The following BPI variants were observed in gnomAD, a reference collection of about 807,000 sequenced individuals.
BPI encodes the protein bactericidal permeability increasing protein, also known as bactericidal permeability-increasing protein.
BPI carries 48 observed loss-of-function variants against 57.6 expected under a neutral mutation model. The ratio of observed to expected loss-of-function variants is 0.83; its 90% CI spans 0.66 to 1.06. The LOEUF (loss-of-function observed/expected upper bound fraction) is 1.06. BPI is among the 50% of genes least tolerant of loss of function. The pLI is 0.00. For synonymous variants in BPI, 237 were observed against 238.2 expected (o/e 0.99, Z 0.05); for missense variants, 651 against 609.7 (o/e 1.07, Z -0.71).
intron 5 of BPI, chr20:38,317,911 C>T: frequency 1.0e-6 from 1 of 985,286 alleles, no homozygotes; most frequent in Non-Finnish European, 1.2e-6. Flanking sequence ...GTGGCAAAGG[C>T]AGGTAGGGAA....
At chr20:38,332,843 G>A (rs989120308) in intron 12 of BPI, among the ~76,000 whole-genome samples, 3 of 152,066 alleles carry the variant, frequency 2.0e-5, no homozygotes, top group Admixed American at 6.5e-5. Flanking sequence ...GTAAGTAGTC[G>A]CCCATGCTGT....
rs186510614 is a variant in BPI, at chr20:38,322,765, C to T, written c.757-1105C>T. ...CTGGGATTACAGGCTCCCGCCACCA[C>T]GCCTGGCTAATTTTTTGTATTTTTA... On this transcript the variant is annotated intron_variant, in intron 7 of 14. Coordinates refer to ENST00000642449, the MANE Select transcript of BPI (RefSeq NM_001725.3). Among the ~76,000 whole-genome samples the T allele has an allele frequency of 7.6e-3, 1,154 of 152,286 alleles. 10 individuals are homozygous for T. Among genetic ancestry groups the T allele is most frequent in the Non-Finnish European group, 0.012 (835 of 68,030 alleles).
chr20:38,317,738 G>A, intron 5 of BPI: 2 of 1,143,410 alleles, frequency 1.7e-6, no homozygotes, highest in East Asian at 2.6e-5. Context: ...AATGGAAAAT[G>A]TAATTTGCCA....
At chr20:38,311,661 CCAGCCATGCA>C (rs1455378478) in intron 4 of BPI, among the ~76,000 whole-genome samples, 1 of 152,002 alleles carries the variant, frequency 6.6e-6, no homozygotes, top group East Asian at 1.9e-4. Context: ...GGACGGGGGC[CCAGCCATGCA>C]GGGATTCAGG....
intron 11 of BPI, among the ~76,000 whole-genome samples, chr20:38,330,485 G>C (rs2076737020): frequency 6.6e-6 from 1 of 152,142 alleles, no homozygotes; most frequent in African/African-American, 2.4e-5. Flanking sequence ...ATGTCATAAA[G>C]GCCTTAAAGG....
At chr20:38,318,038 T>C in intron 5 of BPI, 1 of 985,034 alleles carries the variant, frequency 1.0e-6, no homozygotes, top group Non-Finnish European at 1.2e-6. Context: ...CTACCTCGTA[T>C]TTGTTTATTA....
In BPI at chr20:38,304,210, G is replaced by A. The variant is rs2076585891; in HGVS notation, c.-14G>A. ...GCCTTGAGGTTTTGGCAGCTCTGGA[G>A]GATGAGAGAGAACATGGCCAGGGGC... On this transcript the variant is annotated 5_prime_UTR_variant, in exon 1 of 15. Coordinates refer to ENST00000642449, the MANE Select transcript of BPI (RefSeq NM_001725.3). 4 of 1,614,046 alleles carry A rather than the reference G, an allele frequency of 2.5e-6. No individual in the cohort carries two copies. The South Asian group carries it at 4.4e-5, about 18-fold the overall frequency.
In BPI at chr20:38,335,583, C is replaced by A. The variant is rs767204345; in HGVS notation, c.1337-15C>A. ...TTTCTTTTCTCCTGGTCCTCACCAT[C>A]GGTCTCTGTCACAGAGAAACTACAG... On this transcript the variant is annotated splice_polypyrimidine_tract_variant and intron_variant, in intron 13 of 14. Coordinates refer to ENST00000642449, the MANE Select transcript of BPI (RefSeq NM_001725.3). 3.7e-6 allele frequency: 6 copies of A among 1,609,666 alleles called. No individual in the cohort carries two copies. The Admixed American group carries it at 5.0e-5, about 13-fold the overall frequency.
At chr20:38,313,752 T>C (rs2076633409) in intron 5 of BPI, among the ~76,000 whole-genome samples, 1 of 151,294 alleles carries the variant, frequency 6.6e-6, no homozygotes, top group African/African-American at 2.4e-5. Flanking sequence ...ATGATAATGG[T>C]GATGGTGATG....
Position 38,335,611 on chromosome 20 carries a change from A to G in BPI, c.1350A>G (p.Lys450=). Residue 450 remains lysine (K), a synonymous_variant, in exon 14 of 15, where the codon AAA becomes AAG. Transcript: ENST00000642449. ...VLPRVNEKLQ[K]GFPLPTPARV... is the part of the protein sequence containing the mutation. ...TCTCTGTCACAGAGAAACTACAGAAAGGCTTCCCTCTCCCGACGCCGGCCA... is the reference window on the plus strand; with the variant it reads ...TCTCTGTCACAGAGAAACTACAGAAGGGCTTCCCTCTCCCGACGCCGGCCA... The G allele has an allele frequency of 1.2e-6, 2 of 1,614,064 alleles. No homozygotes were observed. Among genetic ancestry groups the G allele is most frequent in the Non-Finnish European group, 1.7e-6 (2 of 1,179,938 alleles).
At chr20:38,307,786 C>A in intron 2 of BPI, 105 bp downstream of exon 2, 2 of 956,338 alleles carry the variant, frequency 2.1e-6, no homozygotes, top group East Asian at 2.8e-5. Context: ...CACAGAGTTT[C>A]ATATCCCAAA....
chr20:38,327,467 C>T, intron 10 of BPI, 121 bp from the exon 11 acceptor site: 1 of 1,043,072 alleles, frequency 9.6e-7, no homozygotes, highest in Non-Finnish European at 1.4e-6. Flanking sequence ...GCTCTGTGGG[C>T]CTGACCCCAC....
chr20:38,335,463 A>C, intron 13 of BPI, 135 bp from the exon 14 acceptor site: 1 of 757,716 alleles, frequency 1.3e-6, no homozygotes, highest in Non-Finnish European at 2.3e-6. Context: ...TCAGGCATGT[A>C]TGCCCATGCC....
chr20:38,316,112 G>A (rs1258896815), intron 5 of BPI, among the ~76,000 whole-genome samples: 2 of 149,366 alleles, frequency 1.3e-5, no homozygotes, highest in South Asian at 2.1e-4. Flanking sequence ...GGGATTACAG[G>A]CGTGAGCCAC....
chr20:38,323,897 A>G lies in BPI; in HGVS notation c.784A>G (p.Asn262Asp), dbSNP rs1020762335. Residue 262 changes from asparagine (N) to aspartate (D), a missense_variant, in exon 8 of 15, where the codon AAT (asparagine) becomes GAT (aspartate). Transcript: ENST00000642449. ...KGEFYSENHHNPPPFAPPVME... is the reference protein window; with the variant it reads ...KGEFYSENHHDPPPFAPPVME... ...GGAGTTTTACAGTGAGAACCACCACAATCCACCTCCCTTTGCTCCACCAGT... is the reference window on the plus strand; with the variant it reads ...GGAGTTTTACAGTGAGAACCACCACGATCCACCTCCCTTTGCTCCACCAGT... 6.2e-7 allele frequency: 1 copy of G among 1,614,080 alleles called. No individual in the cohort carries two copies. Among genetic ancestry groups the G allele is most frequent in the Admixed American group, 1.7e-5 (1 of 60,014 alleles).
In BPI at chr20:38,329,205, A is replaced by AGAGG. The variant is rs369972448; in HGVS notation, c.1229+1558_1229+1561dup. 6.8e-3 allele frequency among the ~76,000 whole-genome samples: 1,035 copies of AGAGG among 152,162 alleles called. 14 individuals carry two copies. The highest frequency in any genetic ancestry group is 0.023 in the African/African-American group (954 of 41,508). ...GAAAGAGGGAGACACTCAGAGAAAC[A>AGAGG]GAGGGAGGGAGTCGGGGGGCAGAGA... On this transcript the variant is annotated intron_variant, in intron 11 of 14. Transcript: ENST00000642449.
chr20:38,315,993 T>C (rs975035617), intron 5 of BPI, among the ~76,000 whole-genome samples: 7 of 152,014 alleles, frequency 4.6e-5, no homozygotes, highest in African/African-American at 1.7e-4. Context: ...CCACCATGCC[T>C]GGCTAATTTT....
intron 9 of BPI, among the ~76,000 whole-genome samples, chr20:38,325,367 G>A (rs991018691): frequency 5.9e-5 from 9 of 152,160 alleles, no homozygotes; most frequent in Admixed American, 2.0e-4. Flanking sequence ...CATAGCTCTC[G>A]AGACTGGAAG....
rs2076661437 is a variant in BPI, at chr20:38,318,097, G to GA, written c.601-310dup. On this transcript the variant is annotated intron_variant, in intron 5 of 14. Coordinates refer to ENST00000642449, the MANE Select transcript of BPI (RefSeq NM_001725.3). The stretch of plus-strand genomic sequence containing the variant: ...ACAGCAAAATCAAACAGAAACAAAA[G>GA]AAAAAACAAAACAACAACAGCAACA... 3 of 931,950 alleles carry GA rather than the reference G, an allele frequency of 3.2e-6. No individual in the cohort carries two copies. The African/African-American group carries it at 5.6e-5, about 17-fold the overall frequency. 57.7% of individuals were successfully genotyped at this position (931,950 alleles called of 1,614,324 possible). A position where few individuals can be genotyped will look rare whatever the true frequency, so the allele number is the denominator to read the frequency against.
Sources: allele counts gnomAD v4.1 joint callset (sites outside exome capture counted in the v4.1 genomes callset), GRCh38; gene constraint gnomAD v4.1.1; transcripts MANE v1.5; gene names NCBI Gene and HGNC (gene_info 2026-07-23, HGNC 2026-07-21).